Variants in SOCS2 observed in about 807,000 individuals in gnomAD.
The protein encoded by SOCS2 is CIS-2.
Under a neutral mutation model 18.6 loss-of-function variants are expected in SOCS2, and 10 were observed. The ratio of observed to expected loss-of-function variants is 0.54; its 90% CI spans 0.33 to 0.91. SOCS2 has a LOEUF of 0.91. SOCS2 is among the 40% of genes least tolerant of loss of function. The probability of loss-of-function intolerance (pLI) is 0.02; values close to 1 mark genes in which losing one functional copy is unlikely to be tolerated. For synonymous variants in SOCS2, 104 were observed against 104.0 expected (o/e 1.00, Z 0.00); for missense variants, 231 against 247.2 (o/e 0.93, Z 0.44).
chr12:93,580,989 G>A (rs1229708897), downstream of SOCS2, among the ~76,000 whole-genome samples: 1 of 152,168 alleles, frequency 6.6e-6, no homozygotes, highest in Non-Finnish European at 1.5e-5. Context: ...AGAAAAATCA[G>A]CTGCTTCTCT....
chr12:93,599,885 G>T, the SOCS2 span, among the ~76,000 whole-genome samples: 1 of 152,116 alleles, frequency 6.6e-6, no homozygotes, highest in African/African-American at 2.4e-5. Context: ...AGAAGTGTGA[G>T]AAATAAAATT....
At chr12:93,571,717 C>T, upstream of SOCS2, 1 of 292,682 alleles carries the variant, frequency 3.4e-6, no homozygotes, top group Admixed American at 4.9e-5. Context: ...ACTCCGACCG[C>T]CGCCTCCGAG....
chr12:93,602,281 A>C, the SOCS2 span, among the ~76,000 whole-genome samples: 1 of 152,126 alleles, frequency 6.6e-6, no homozygotes. Context: ...TTTTTAGTAG[A>C]GACGAGGTCT....
the SOCS2 span, among the ~76,000 whole-genome samples, chr12:93,621,191 T>C: frequency 2.0e-5 from 3 of 152,212 alleles, no homozygotes; most frequent in Admixed American, 1.3e-4. Context: ...ATCACAGTAG[T>C]TTTTGAGATA....
the SOCS2 span, among the ~76,000 whole-genome samples, chr12:93,623,676 T>A: frequency 6.6e-6 from 1 of 152,022 alleles, no homozygotes; most frequent in African/African-American, 2.4e-5. Context: ...TCTAAATGCA[T>A]CCTCTAAAAT....
At position 93,575,161 on chromosome 12, in the gene SOCS2, A is replaced by G. The variant is rs769555868; in HGVS notation, c.579A>G (p.Glu193=). ...CAAGACTAAAAGATTACTTGGAAGA[A>G]TATAAATTCCAGGTATAAATGTTTC... ...LPTRLKDYLE[E]YKFQV The change falls in exon 2 of 2, where the codon GAA becomes GAG. Residue 193 remains glutamate (E), a synonymous_variant. Transcript: ENST00000551556. 1 of 1,546,340 alleles carries G rather than the reference A, an allele frequency of 6.5e-7. No homozygotes were observed. The highest frequency in any genetic ancestry group is 2.2e-5 in the Admixed American group (1 of 46,408).
chr12:93,621,040 G>T, the SOCS2 span, among the ~76,000 whole-genome samples: 2 of 152,174 alleles, frequency 1.3e-5, no homozygotes, highest in East Asian at 1.9e-4. Flanking sequence ...CTTCTCTGAA[G>T]ATGTAACATT....
At chr12:93,610,793 A>G in the SOCS2 span, among the ~76,000 whole-genome samples, 2 of 152,180 alleles carry the variant, frequency 1.3e-5, no homozygotes, top group African/African-American at 2.4e-5. Flanking sequence ...GACCCTCATC[A>G]GACACTGAAT....
At chr12:93,614,448 TTCC>T in the SOCS2 span, among the ~76,000 whole-genome samples, 1 of 76,826 alleles carries the variant, frequency 1.3e-5, no homozygotes, top group African/African-American at 7.9e-5. Context: ...CCTTCCTTCC[TTCC>T]TTCCTTCCTT....
chr12:93,610,990 A>G, the SOCS2 span, among the ~76,000 whole-genome samples: 1 of 152,134 alleles, frequency 6.6e-6, no homozygotes, highest in African/African-American at 2.4e-5. Context: ...GAATTGCTCA[A>G]TTTTTAGAAC....
chr12:93,594,336 C>G, the SOCS2 span, among the ~76,000 whole-genome samples: 1 of 152,186 alleles, frequency 6.6e-6, no homozygotes, highest in Admixed American at 6.5e-5. Context: ...TATTTTGACT[C>G]AAGTTGACCT....
chr12:93,612,247 A>G, the SOCS2 span, among the ~76,000 whole-genome samples: 1 of 152,080 alleles, frequency 6.6e-6, no homozygotes, highest in Non-Finnish European at 1.5e-5. Context: ...CTTTCCATGA[A>G]TACTCCCCCT....
rs967360452 is a variant in SOCS2 at position 93,573,126 on chromosome 12, A to G, written c.139+90A>G. 3.4e-6 allele frequency: 5 copies of G among 1,481,686 alleles called. No individual in the cohort carries two copies. In the African/African-American group the frequency reaches 5.6e-5, roughly 17 times the overall value. 91.8% of individuals were successfully genotyped at this position (1,481,686 alleles called of 1,614,324 possible). On this transcript the variant is annotated intron_variant, in intron 1 of 1. Coordinates refer to ENST00000551556, the MANE Select transcript of SOCS2 (RefSeq NM_001270471.2). Reference sequence around the variant, plus strand: ...GCGGGGTCGAGGTGGGAAGCAAAGAATAAGATGGAAATACGTCCCTTGCTT... The same window carrying G: ...GCGGGGTCGAGGTGGGAAGCAAAGAGTAAGATGGAAATACGTCCCTTGCTT...
chr12:93,598,157 G>A, the SOCS2 span, among the ~76,000 whole-genome samples: 7 of 152,174 alleles, frequency 4.6e-5, no homozygotes, highest in Admixed American at 1.3e-4. Context: ...GAGGAAACAC[G>A]TTGCTGACGA....
the SOCS2 span, among the ~76,000 whole-genome samples, chr12:93,616,727 G>A: frequency 6.6e-6 from 1 of 152,186 alleles, no homozygotes; most frequent in East Asian, 1.9e-4. Context: ...ACAAGTGGGA[G>A]GCATGAGGCC....
At chr12:93,615,810 G>T in the SOCS2 span, among the ~76,000 whole-genome samples, 1 of 152,146 alleles carries the variant, frequency 6.6e-6, no homozygotes, top group South Asian at 2.1e-4. Context: ...TGACCAGGCT[G>T]GTCTCAAACT....
At chr12:93,577,442 T>C (rs2136707174), downstream of SOCS2, among the ~76,000 whole-genome samples, 2 of 152,212 alleles carry the variant, frequency 1.3e-5, no homozygotes, top group Middle Eastern at 6.8e-3. Flanking sequence ...AAGAACGAAA[T>C]GAGCAAAGTA....
chr12:93,614,232 T>C, the SOCS2 span, among the ~76,000 whole-genome samples: 1 of 152,192 alleles, frequency 6.6e-6, no homozygotes, highest in Non-Finnish European at 1.5e-5. Context: ...GCAGCCCTGG[T>C]GTTCAAACAT....
At chr12:93,612,480 C>A in the SOCS2 span, among the ~76,000 whole-genome samples, 5 of 152,096 alleles carry the variant, frequency 3.3e-5, no homozygotes, top group Non-Finnish European at 4.4e-5. Flanking sequence ...TCCTTTGAAC[C>A]AGTTTCATAT....
Sources: gnomAD v4.1 joint callset for allele counts (sites outside exome capture counted in the v4.1 genomes callset) on GRCh38, gnomAD v4.1.1 for gene constraint, MANE v1.5 for transcripts, NCBI Gene and HGNC (gene_info 2026-07-23, HGNC 2026-07-21) for gene names.